Variants in PCSK2 observed in about 807,000 individuals in gnomAD.
PCSK2 encodes neuroendocrine convertase 2.
In PCSK2, 14 loss-of-function variants were observed where a neutral mutation model predicts 69.7. The ratio of observed to expected loss-of-function variants is 0.20; its 90% CI spans 0.13 to 0.31. The LOEUF is 0.31. Ranked by LOEUF, PCSK2 falls within the 10% of genes least tolerant of loss-of-function variation. The pLI is 1.00. For synonymous variants in PCSK2, 307 were observed against 320.7 expected (o/e 0.96, Z 0.46); for missense variants, 544 against 842.5 (o/e 0.65, Z 4.39).
chr20:17,308,304 C>T (rs866168110), intron 2 of PCSK2, among the ~76,000 whole-genome samples: 1 of 152,002 alleles, frequency 6.6e-6, no homozygotes, highest in East Asian at 1.9e-4. Flanking sequence ...ATTTTGGTGG[C>T]GAAACAGATC....
chr20:17,337,663 G>A (rs1412612766), intron 2 of PCSK2, among the ~76,000 whole-genome samples: 1 of 152,014 alleles, frequency 6.6e-6, no homozygotes, highest in African/African-American at 2.4e-5. Context: ...CAGTGACTCA[G>A]GCCCGTATCA....
chr20:17,266,180 C>T (rs1262952941), intron 2 of PCSK2, among the ~76,000 whole-genome samples: 3 of 152,170 alleles, frequency 2.0e-5, no homozygotes, highest in African/African-American at 7.2e-5. Context: ...AAGGGCGGCA[C>T]TTGAGCTCAC....
intron 5 of PCSK2, among the ~76,000 whole-genome samples, chr20:17,391,286 A>T (rs2031365394): frequency 6.6e-6 from 1 of 152,244 alleles, no homozygotes; most frequent in South Asian, 2.1e-4. Flanking sequence ...ATATTCAAAG[A>T]TTCTCCGATG....
At chr20:17,371,881 G>C (rs563654955) in intron 5 of PCSK2, among the ~76,000 whole-genome samples, 1 of 152,250 alleles carries the variant, frequency 6.6e-6, no homozygotes, top group African/African-American at 2.4e-5. Context: ...TGAGATGGCA[G>C]ACAGTAACAT....
At chr20:17,324,556 G>A (rs191202724) in intron 2 of PCSK2, among the ~76,000 whole-genome samples, 4 of 152,170 alleles carry the variant, frequency 2.6e-5, no homozygotes, top group South Asian at 2.1e-4. Context: ...AAGAACCATC[G>A]ACTTAGGACA....
intron 2 of PCSK2, among the ~76,000 whole-genome samples, chr20:17,298,925 A>G (rs1457166965): frequency 6.6e-6 from 1 of 152,140 alleles, no homozygotes; most frequent in Non-Finnish European, 1.5e-5. Flanking sequence ...TCCTTATCTT[A>G]CCCGTTTACC....
intron 8 of PCSK2, among the ~76,000 whole-genome samples, chr20:17,442,295 C>T (rs1354383378): frequency 6.6e-6 from 1 of 151,818 alleles, no homozygotes; most frequent in Non-Finnish European, 1.5e-5. Context: ...TTGGCTGACA[C>T]TTCCGTCTCC....
intron 1 of PCSK2, among the ~76,000 whole-genome samples, chr20:17,247,816 T>A (rs1448517870): frequency 1.3e-5 from 2 of 152,230 alleles, no homozygotes; most frequent in African/African-American, 2.4e-5. Flanking sequence ...ATTTAACACT[T>A]CTTTTTATCT....
intron 2 of PCSK2, among the ~76,000 whole-genome samples, chr20:17,262,028 A>G (rs180889368): frequency 2.1e-4 from 32 of 152,350 alleles, no homozygotes; most frequent in Admixed American, 2.0e-3. Flanking sequence ...CAGAGAGACT[A>G]TTTAGCACCA....
intron 6 of PCSK2, among the ~76,000 whole-genome samples, chr20:17,417,237 T>G (rs1179405041): frequency 6.6e-6 from 1 of 152,200 alleles, no homozygotes; most frequent in East Asian, 1.9e-4. Context: ...AATATTTCAT[T>G]TGCAAACTTG....
At chr20:17,296,933 A>G (rs997795158) in intron 2 of PCSK2, among the ~76,000 whole-genome samples, 3 of 152,242 alleles carry the variant, frequency 2.0e-5, no homozygotes, top group African/African-American at 4.8e-5. Context: ...CTTGCAGACC[A>G]GAGAGCAGCA....
At chr20:17,227,534 G>C (rs756609959) in intron 1 of PCSK2, 52 bp downstream of exon 1, 4 of 1,437,438 alleles carry the variant, frequency 2.8e-6, no homozygotes, top group Middle Eastern at 3.9e-4. Flanking sequence ...GGGACGGGGG[G>C]GCAGCCCTGC....
chr20:17,396,808 T>G (rs1458019342), intron 5 of PCSK2, among the ~76,000 whole-genome samples: 1 of 152,098 alleles, frequency 6.6e-6, no homozygotes, highest in Non-Finnish European at 1.5e-5. Flanking sequence ...TTTGTAGACA[T>G]GGAGTCTTGC....
intron 11 of PCSK2, among the ~76,000 whole-genome samples, chr20:17,475,550 CA>C (rs78264714): frequency 0.022 from 3,297 of 152,188 alleles, 98 homozygotes; most frequent in East Asian, 0.12. Context: ...TTATTTCTAG[CA>C]AAAGTGGCTG....
intron 2 of PCSK2, among the ~76,000 whole-genome samples, chr20:17,284,607 T>C (rs905313703): frequency 6.6e-6 from 1 of 152,238 alleles, no homozygotes; most frequent in Non-Finnish European, 1.5e-5. Context: ...CCAATGAGCC[T>C]AGCAGAAGAG....
intron 5 of PCSK2, among the ~76,000 whole-genome samples, chr20:17,391,200 T>C (rs2031362844): frequency 6.6e-6 from 1 of 151,824 alleles, no homozygotes; most frequent in South Asian, 2.1e-4. Flanking sequence ...ATTGAATCAA[T>C]GCATAGTCCT....
At chr20:17,375,592 A>G (rs2030900956) in intron 5 of PCSK2, among the ~76,000 whole-genome samples, 1 of 152,094 alleles carries the variant, frequency 6.6e-6, no homozygotes, top group Admixed American at 6.5e-5. Context: ...GGTAGCAACT[A>G]CCCCAAGTGA....
At chr20:17,373,228 C>T (rs778564088) in intron 5 of PCSK2, among the ~76,000 whole-genome samples, 10 of 152,156 alleles carry the variant, frequency 6.6e-5, no homozygotes, top group Admixed American at 3.3e-4. Context: ...AGCTTGTAAA[C>T]GGGGCAGTTA....
chr20:17,372,729 T>C lies in PCSK2; in HGVS notation c.543+3452T>C, dbSNP rs566990052. Among the ~76,000 whole-genome samples, 3 of 152,282 alleles carry C rather than the reference T, an allele frequency of 2.0e-5. No individual in the cohort carries two copies. In the East Asian group the frequency reaches 5.8e-4, roughly 29 times the overall value. ...CTGTGAAAATGTTCTGCCTCTGGTATAGATGAGAAAACTGAACACCTAACT... is the reference window on the plus strand; with the variant it reads ...CTGTGAAAATGTTCTGCCTCTGGTACAGATGAGAAAACTGAACACCTAACT... On this transcript the variant is annotated intron_variant, in intron 5 of 11. Coordinates refer to ENST00000262545, the MANE Select transcript of PCSK2 (RefSeq NM_002594.5).
Sources: gnomAD v4.1 joint callset for allele counts (sites outside exome capture counted in the v4.1 genomes callset) on GRCh38, gnomAD v4.1.1 for gene constraint, MANE v1.5 for transcripts, NCBI Gene and HGNC (gene_info 2026-07-23, HGNC 2026-07-21) for gene names.